Variants in GSE1 observed in about 807,000 individuals in gnomAD.
GSE1 encodes the protein genetic suppressor element 1.
In GSE1, 32 loss-of-function variants were observed where a neutral mutation model predicts 112.6. The ratio of observed to expected loss-of-function variants is 0.28; its 90% CI spans 0.21 to 0.38. The LOEUF (loss-of-function observed/expected upper bound fraction) is 0.38, where lower values mean the gene tolerates loss of function less well. Ranked by LOEUF, GSE1 falls within the 10% of genes least tolerant of loss-of-function variation. The pLI, the probability that GSE1 is intolerant of heterozygous loss-of-function variation, is 1.00. For missense variants in GSE1, 2,348 were observed against 1,699.2 expected, an observed-to-expected ratio of 1.38 and a Z score of -6.71; for synonymous variants, 1,115 against 735.6, an observed-to-expected ratio of 1.52 and a Z score of -8.35.
At chr16:85,441,051 G>T (rs964317961) in intron 2 of GSE1, among the ~76,000 whole-genome samples, 6 of 152,234 alleles carry the variant, frequency 3.9e-5, no homozygotes, top group African/African-American at 1.4e-4. Context: ...GGGGAGATGG[G>T]TGGCAGCTGA....
chr16:85,196,616 G>C (rs1456670439), intron 1 of GSE1, among the ~76,000 whole-genome samples: 1 of 152,096 alleles, frequency 6.6e-6, no homozygotes, highest in Non-Finnish European at 1.5e-5. Flanking sequence ...TTTCTCGATG[G>C]GTGGAACACA....
chr16:85,655,099 G>A (rs1265420897), intron 5 of GSE1, 108 bp downstream of exon 5: 4 of 771,292 alleles, frequency 5.2e-6, no homozygotes, highest in Non-Finnish European at 8.8e-6. Flanking sequence ...GGCTCCTAGG[G>A]GAGGGTCTAG....
At chr16:85,536,456 T>G (rs2044330326) in intron 2 of GSE1, among the ~76,000 whole-genome samples, 1 of 152,214 alleles carries the variant, frequency 6.6e-6, no homozygotes, top group South Asian at 2.1e-4. Context: ...GTTCCCTGCT[T>G]GCCAGGCGCC....
chr16:85,654,768 A>ACCTTGCCCACTATCCCCG, intron 4 of GSE1, 26 bp from the exon 5 acceptor site: 1 of 1,528,472 alleles, frequency 6.5e-7, no homozygotes, highest in Non-Finnish European at 9.0e-7. Context: ...ACCTGTCCCC[A>ACCTTGCCCACTATCCCCG]CCTTGCCCAC....
In GSE1 at chr16:85,662,978, C is replaced by T. The variant is rs769905187; in HGVS notation, c.2261-3C>T. On this transcript the variant is annotated splice_region_variant and splice_polypyrimidine_tract_variant and intron_variant, in intron 9 of 15. Transcript: ENST00000253458. ...TGGCTGAATACAACCATTTCTCCAT[C>T]AGGGTACTACTACGACCTCGATGAC... 3 of 1,579,934 alleles carry T rather than the reference C, an allele frequency of 1.9e-6. No homozygotes were observed. The highest frequency in any genetic ancestry group is 2.2e-5 in the East Asian group (1 of 44,732).
chr16:85,274,703 T>G (rs2144208956), intron 1 of GSE1, among the ~76,000 whole-genome samples: 1 of 152,308 alleles, frequency 6.6e-6, no homozygotes, highest in Middle Eastern at 3.4e-3. Flanking sequence ...CTCTCGCCAG[T>G]GGGAGGAACC....
intron 2 of GSE1, among the ~76,000 whole-genome samples, chr16:85,393,888 G>C (rs939970879): frequency 1.3e-5 from 2 of 152,188 alleles, no homozygotes; most frequent in Non-Finnish European, 2.9e-5. Flanking sequence ...GCAGCAGGGG[G>C]TTGGCCGCCA....
intron 1 of GSE1, among the ~76,000 whole-genome samples, chr16:85,297,298 C>G (rs2045395570): frequency 6.6e-6 from 1 of 151,264 alleles, no homozygotes; most frequent in Admixed American, 6.6e-5. Flanking sequence ...TCCCTCAGGC[C>G]CACCAGTGAA....
At chr16:85,391,735 G>A (rs2047842620) in intron 2 of GSE1, among the ~76,000 whole-genome samples, 1 of 152,172 alleles carries the variant, frequency 6.6e-6, no homozygotes. Context: ...TGGGGGTGGG[G>A]ACATTATTCA....
chr16:85,661,643 G>A lies in GSE1; in HGVS notation c.2138G>A (p.Arg713Gln), dbSNP rs1339384920. 22 of 1,611,110 alleles carry A rather than the reference G, an allele frequency of 1.4e-5. No individual in the cohort carries two copies. The South Asian group carries it at 1.5e-4, about 11-fold the overall frequency. ...SGPLKPGSPY[R>Q]PPVPRAPDPA... ...CCCCTGAAGCCTGGCTCGCCCTACCGGCCCCCAGTGCCACGGGCCCCCGAC... is the reference window on the plus strand; with the variant it reads ...CCCCTGAAGCCTGGCTCGCCCTACCAGCCCCCAGTGCCACGGGCCCCCGAC... The change falls in exon 9 of 16, where the codon CGG becomes CAG. Residue 713 changes from arginine to glutamine, a missense_variant. Transcript: ENST00000253458.
chr16:85,525,276 C>G (rs1197731221), intron 2 of GSE1, among the ~76,000 whole-genome samples: 1 of 152,040 alleles, frequency 6.6e-6, no homozygotes, highest in African/African-American at 2.4e-5. Context: ...GGTGAGGTGA[C>G]CGCCGGGGGC....
intron 1 of GSE1, among the ~76,000 whole-genome samples, chr16:85,623,427 A>G (rs369764834): frequency 2.5e-4 from 38 of 152,090 alleles, no homozygotes; most frequent in African/African-American, 8.5e-4. Context: ...TGACAGGGAA[A>G]CTGAGGCTCA....
intron 1 of GSE1, among the ~76,000 whole-genome samples, chr16:85,229,340 G>A (rs1012127573): frequency 2.0e-5 from 3 of 152,338 alleles, no homozygotes; most frequent in Admixed American, 6.5e-5. Flanking sequence ...CACCTGTGCC[G>A]TGTCAAGGCC....
At chr16:85,564,038 C>T (rs940987675) in intron 1 of GSE1, among the ~76,000 whole-genome samples, 1 of 152,236 alleles carries the variant, frequency 6.6e-6, no homozygotes, top group South Asian at 2.1e-4. Flanking sequence ...GTGCCGGGCA[C>T]TGCGCTGCGT....
chr16:85,263,447 G>A (rs888753491), intron 1 of GSE1, among the ~76,000 whole-genome samples: 2 of 152,110 alleles, frequency 1.3e-5, no homozygotes, highest in Admixed American at 6.5e-5. Flanking sequence ...CTGCTGGCCC[G>A]GTGGCTGCAG....
At chr16:85,635,960 C>T (rs889524979) in intron 2 of GSE1, among the ~76,000 whole-genome samples, 1 of 152,246 alleles carries the variant, frequency 6.6e-6, no homozygotes, top group Non-Finnish European at 1.5e-5. Flanking sequence ...GCCGTCGCTT[C>T]CTCTCCGCTG....
chr16:85,214,248 C>T (rs1383480371), intron 1 of GSE1, among the ~76,000 whole-genome samples: 2 of 152,174 alleles, frequency 1.3e-5, no homozygotes, highest in Non-Finnish European at 2.9e-5. Context: ...TGAGGGCCCC[C>T]CCACCCAGAT....
exon 1 of GSE1, chr16:85,170,296 G>A (rs1055043196): frequency 1.0e-6 from 1 of 985,632 alleles, no homozygotes; most frequent in Non-Finnish European, 1.2e-6. Flanking sequence ...CCGGCGGAAG[G>A]GGGTTGGGAG....
chr16:85,665,349 T>C (rs895034169), intron 12 of GSE1, among the ~76,000 whole-genome samples: 3 of 152,246 alleles, frequency 2.0e-5, no homozygotes, highest in African/African-American at 7.2e-5. Flanking sequence ...AGGGTCTGGC[T>C]TCTGTGGAGC....
Sources: gnomAD v4.1 joint callset for allele counts (sites outside exome capture counted in the v4.1 genomes callset) on GRCh38, gnomAD v4.1.1 for gene constraint, MANE v1.5 for transcripts, NCBI Gene and HGNC (gene_info 2026-07-23, HGNC 2026-07-21) for gene names.